The following SCHIP1 variants were observed in gnomAD, a reference collection of about 807,000 sequenced individuals.
SCHIP1 encodes the protein schwannomin interacting protein 1.
Under a neutral mutation model 29.7 loss-of-function variants are expected in SCHIP1, and 8 were observed. The observed-to-expected ratio is 0.27, with a 90% CI of 0.16 to 0.49. The LOEUF (loss-of-function observed/expected upper bound fraction) is 0.49. Among genes scored for constraint, SCHIP1 ranks in the 20% least tolerant of loss-of-function variants. The pLI, the probability that SCHIP1 is intolerant of heterozygous loss-of-function variation, is 0.99. For synonymous variants in SCHIP1, 76 were observed against 94.9 expected (o/e 0.80, Z 1.16); for missense variants, 193 against 294.6 (o/e 0.66, Z 2.52).
At chr3:159,856,130 A>G (rs987738192) in intron 1 of SCHIP1, among the ~76,000 whole-genome samples, 8 of 152,166 alleles carry the variant, frequency 5.3e-5, no homozygotes, top group Non-Finnish European at 7.3e-5. Context: ...TCCCCTGATA[A>G]AGAACCACAG....
At chr3:159,274,683 A>G in the SCHIP1 span, 1 of 817,046 alleles carries the variant, frequency 1.2e-6, no homozygotes, top group Non-Finnish European at 1.5e-6. Flanking sequence ...ACCCAGAATG[A>G]CCCCAACAGA....
At chr3:159,550,058 CTTATCTTAAGATATCTTAAGAAAATTAA>C in the SCHIP1 span, among the ~76,000 whole-genome samples, 14 of 147,902 alleles carry the variant, frequency 9.5e-5, no homozygotes, top group South Asian at 8.9e-4. Flanking sequence ...CTGTTTTTCT[CTTATCTTAAGATATCTTAAGAAAATTAA>C]TTATCTTAAG....
At chr3:159,585,009 G>C in the SCHIP1 span, among the ~76,000 whole-genome samples, 1 of 151,804 alleles carries the variant, frequency 6.6e-6, no homozygotes, top group Admixed American at 6.6e-5. Context: ...TTATATCCTT[G>C]CTCAAATGTT....
At chr3:159,725,514 C>A in the SCHIP1 span, among the ~76,000 whole-genome samples, 1 of 152,174 alleles carries the variant, frequency 6.6e-6, no homozygotes, top group Non-Finnish European at 1.5e-5. Context: ...ATCCGCCTGC[C>A]TCCGCCTTCC....
chr3:159,422,378 C>T, the SCHIP1 span, among the ~76,000 whole-genome samples: 1 of 152,332 alleles, frequency 6.6e-6, no homozygotes, highest in East Asian at 1.9e-4. Flanking sequence ...GCAAGTTACA[C>T]ACCCGAAATA....
chr3:159,740,002 C>T, the SCHIP1 span, among the ~76,000 whole-genome samples: 1 of 152,212 alleles, frequency 6.6e-6, no homozygotes, highest in Non-Finnish European at 1.5e-5. Context: ...TGGCTCCTCC[C>T]TGACAAAGGC....
the SCHIP1 span, among the ~76,000 whole-genome samples, chr3:159,429,220 A>T: frequency 1.1e-5 from 1 of 91,610 alleles, no homozygotes; most frequent in African/African-American, 4.0e-5. Flanking sequence ...AGAAAATGAC[A>T]TAAGAAAAAA....
the SCHIP1 span, among the ~76,000 whole-genome samples, chr3:159,580,071 C>T: frequency 6.6e-6 from 1 of 152,130 alleles, no homozygotes; most frequent in Non-Finnish European, 1.5e-5. Flanking sequence ...GGCACATGCT[C>T]TAACTTACTA....
chr3:159,311,173 A>ATTAT, the SCHIP1 span, among the ~76,000 whole-genome samples: 1 of 152,156 alleles, frequency 6.6e-6, no homozygotes, highest in South Asian at 2.1e-4. Context: ...TAGTCATTAG[A>ATTAT]GCTTCCTTTT....
chr3:159,478,076 C>A, the SCHIP1 span, among the ~76,000 whole-genome samples: 2 of 151,904 alleles, frequency 1.3e-5, no homozygotes, highest in South Asian at 2.1e-4. Context: ...GCACACACCA[C>A]CACGTGCAGC....
the SCHIP1 span, among the ~76,000 whole-genome samples, chr3:159,504,204 T>C: frequency 6.6e-6 from 1 of 152,204 alleles, no homozygotes; most frequent in Non-Finnish European, 1.5e-5. Context: ...TCACTTCTCT[T>C]CTTTTAAAAT....
Position 159,874,504 on chromosome 3 carries a change from G to T in SCHIP1, c.149+8223G>T, listed in dbSNP as rs538953622. Among the ~76,000 whole-genome samples, 118 of 152,256 alleles carry T rather than the reference G, an allele frequency of 7.8e-4. 1 individual carries two copies. The highest frequency in any genetic ancestry group is 2.5e-3 in the African/African-American group (105 of 41,512). On this transcript the variant is annotated intron_variant, in intron 2 of 6. Coordinates refer to ENST00000445224, the Ensembl canonical transcript of SCHIP1. ...GTGTTTGGGCTGGAGGGCAAGGAGTGGGGGGCACCCTAACTGGGAGCTGTT... is the reference window on the plus strand; with the variant it reads ...GTGTTTGGGCTGGAGGGCAAGGAGTTGGGGGCACCCTAACTGGGAGCTGTT...
At chr3:159,534,633 G>T in the SCHIP1 span, among the ~76,000 whole-genome samples, 1 of 152,070 alleles carries the variant, frequency 6.6e-6, no homozygotes, top group Non-Finnish European at 1.5e-5. Flanking sequence ...CCCCAGAGTG[G>T]TGTATATGAC....
chr3:159,378,075 T>C, the SCHIP1 span, among the ~76,000 whole-genome samples: 1 of 152,200 alleles, frequency 6.6e-6, no homozygotes, highest in Admixed American at 6.5e-5. Context: ...TTCGTAACAA[T>C]AATGAAAACT....
the SCHIP1 span, among the ~76,000 whole-genome samples, chr3:159,607,196 A>G: frequency 7.2e-5 from 11 of 152,174 alleles, no homozygotes; most frequent in Admixed American, 6.5e-4. Context: ...ATACACATAC[A>G]CTTTGCTCTC....
At chr3:159,767,706 T>A in the SCHIP1 span, among the ~76,000 whole-genome samples, 1 of 152,146 alleles carries the variant, frequency 6.6e-6, no homozygotes, top group Non-Finnish European at 1.5e-5. Context: ...GTCTGGTTCC[T>A]TCTCATCATT....
the SCHIP1 span, among the ~76,000 whole-genome samples, chr3:159,819,338 G>A: frequency 1.5e-3 from 225 of 152,252 alleles, 2 homozygotes; most frequent in African/African-American, 5.2e-3. Context: ...TCTGCTTTTT[G>A]TTTCTGTAGA....
At chr3:159,801,309 A>C in the SCHIP1 span, among the ~76,000 whole-genome samples, 1 of 152,226 alleles carries the variant, frequency 6.6e-6, no homozygotes, top group Admixed American at 6.5e-5. Context: ...TCTGATGTCT[A>C]GTCAATTTAC....
chr3:159,661,507 T>C, the SCHIP1 span, among the ~76,000 whole-genome samples: 1 of 152,338 alleles, frequency 6.6e-6, no homozygotes, highest in South Asian at 2.1e-4. Context: ...TCCACTAATA[T>C]CGTGCAACAT....
Sources: allele counts gnomAD v4.1 joint callset (sites outside exome capture counted in the v4.1 genomes callset), GRCh38; gene constraint gnomAD v4.1.1; transcripts MANE v1.5; gene names NCBI Gene and HGNC (gene_info 2026-07-23, HGNC 2026-07-21).